CDH18: variants seen among roughly 807,000 people sequenced by gnomAD.
CDH18 encodes cadherin 18.
CDH18 carries 31 observed loss-of-function variants against 67.9 expected under a neutral mutation model. The observed-to-expected ratio is 0.46, with a 90% CI of 0.34 to 0.62. CDH18 has a LOEUF of 0.62. CDH18 is among the 20% of genes least tolerant of loss of function. The pLI, the probability that CDH18 is intolerant of heterozygous loss-of-function variation, is 0.01. For missense variants in CDH18, 890 were observed against 975.5 expected (o/e 0.91, Z 1.17); for synonymous variants, 362 against 347.2 (o/e 1.04, Z -0.48).
chr5:20,528,163 C>A (rs1295981912), intron 1 of CDH18, among the ~76,000 whole-genome samples: 4 of 151,944 alleles, frequency 2.6e-5, no homozygotes, highest in African/African-American at 9.7e-5. Context: ...TCAAAAAAGA[C>A]AAATAGCATT....
chr5:20,503,190 A>T (rs11348871), intron 1 of CDH18, among the ~76,000 whole-genome samples: 74 of 41,838 alleles, frequency 1.8e-3, no homozygotes, highest in East Asian at 5.0e-3. Context: ...ACACAAATTT[A>T]AAAAAAAAAC....
At chr5:20,415,728 C>T (rs558267572) in intron 1 of CDH18, among the ~76,000 whole-genome samples, 11 of 152,010 alleles carry the variant, frequency 7.2e-5, no homozygotes, top group African/African-American at 2.2e-4. Flanking sequence ...GCTGAGATTG[C>T]GCCACTGCTC....
chr5:20,373,454 C>T (rs1166266150), intron 1 of CDH18, among the ~76,000 whole-genome samples: 1 of 152,072 alleles, frequency 6.6e-6, no homozygotes, highest in African/African-American at 2.4e-5. Flanking sequence ...ATGACTTATA[C>T]CTGTTTATTC....
chr5:20,255,481 T>C (rs1329506085), exon 2 of CDH18: 1 of 152,138 alleles, frequency 6.6e-6, no homozygotes, highest in African/African-American at 2.4e-5. Context: ...TGTGTGTTCT[T>C]CTTACATATT....
At chr5:20,072,851 A>C (rs868552977) in intron 2 of CDH18, among the ~76,000 whole-genome samples, 2 of 152,110 alleles carry the variant, frequency 1.3e-5, no homozygotes, top group Middle Eastern at 3.4e-3. Flanking sequence ...ATTCCCATGA[A>C]AAATTGGAGA....
At chr5:19,606,256 T>G (rs952706321) in intron 6 of CDH18, among the ~76,000 whole-genome samples, 1 of 152,130 alleles carries the variant, frequency 6.6e-6, no homozygotes, top group Non-Finnish European at 1.5e-5. Flanking sequence ...CATGAACCTC[T>G]GCAACTCCTT....
intron 1 of CDH18, among the ~76,000 whole-genome samples, chr5:20,520,091 C>T (rs545009636): frequency 5.3e-5 from 8 of 150,860 alleles, no homozygotes; most frequent in Admixed American, 2.0e-4. Flanking sequence ...TGAGCCACCA[C>T]GCCCAGCAGC....
At chr5:19,970,928 G>A (rs1797963823) in intron 2 of CDH18, among the ~76,000 whole-genome samples, 1 of 151,784 alleles carries the variant, frequency 6.6e-6, no homozygotes, top group African/African-American at 2.4e-5. Flanking sequence ...CTCCATTGGA[G>A]ACGGAGTGAT....
chr5:20,229,320 T>C (rs1741884485), intron 2 of CDH18, among the ~76,000 whole-genome samples: 1 of 152,088 alleles, frequency 6.6e-6, no homozygotes, highest in Non-Finnish European at 1.5e-5. Flanking sequence ...TATGTGAACA[T>C]AAACTTCACC....
At chr5:20,411,767 C>T (rs1426161141) in intron 1 of CDH18, among the ~76,000 whole-genome samples, 2 of 148,550 alleles carry the variant, frequency 1.3e-5, no homozygotes, top group Non-Finnish European at 3.0e-5. Context: ...ATAGTAAATG[C>T]AATCTCATTT....
intron 1 of CDH18, among the ~76,000 whole-genome samples, chr5:20,431,245 C>T (rs1748708282): frequency 6.6e-6 from 1 of 151,956 alleles, no homozygotes. Flanking sequence ...AATCCCAGCA[C>T]TTTGGGAGGC....
At chr5:20,466,867 C>T (rs986617647) in intron 1 of CDH18, among the ~76,000 whole-genome samples, 2 of 151,990 alleles carry the variant, frequency 1.3e-5, no homozygotes, top group African/African-American at 4.8e-5. Flanking sequence ...GGTTTTTTAC[C>T]ACTTACTTAA....
chr5:20,064,104 TAA>T (rs1344611946), intron 2 of CDH18, among the ~76,000 whole-genome samples: 1 of 152,218 alleles, frequency 6.6e-6, no homozygotes, highest in Non-Finnish European at 1.5e-5. Flanking sequence ...ATTTACAATT[TAA>T]GAGTATCTTT....
chr5:20,317,415 G>A (rs1365879125), intron 1 of CDH18, among the ~76,000 whole-genome samples: 1 of 152,020 alleles, frequency 6.6e-6, no homozygotes, highest in Non-Finnish European at 1.5e-5. Flanking sequence ...ATCTTAAAAA[G>A]ACATGTTATT....
At chr5:19,814,928 A>G (rs574931521) in intron 3 of CDH18, among the ~76,000 whole-genome samples, 151 of 151,994 alleles carry the variant, frequency 9.9e-4, no homozygotes, top group African/African-American at 3.6e-3. Flanking sequence ...AAAGTTCACA[A>G]TGTGAATAAA....
intron 2 of CDH18, among the ~76,000 whole-genome samples, chr5:19,902,106 T>A (rs1362604107): frequency 6.6e-6 from 1 of 152,122 alleles, no homozygotes; most frequent in Non-Finnish European, 1.5e-5. Flanking sequence ...AATTTTAACA[T>A]ATTCGTAATA....
rs1476205471 is a variant in CDH18 at position 19,994,726 on chromosome 5, TATATATATATATAGAGAGAGAGAGAGAG to T, written c.-517-2740_-517-2713del. On this transcript the variant is annotated intron_variant, in intron 2 of 14. Coordinates refer to the CDH18 transcript ENST00000507958. ...GTATATATATATATATATATATATA[TATATATATATATAGAGAGAGAGAGAGAG>T]AGAGAGAGAGAGAGAGAGAGAGAGA... Among the ~76,000 whole-genome samples, 102 of 23,428 alleles carry T rather than the reference TATATATATATATAGAGAGAGAGAGAGAG, an allele frequency of 4.4e-3. 4 individuals carry two copies. Among genetic ancestry groups the T allele is most frequent in the African/African-American group, 0.014 (90 of 6,314 alleles). The allele number at this position is 23,428 out of a possible 152,430, so 15.4% of individuals were successfully genotyped here.
chr5:19,727,855 A>T (rs1767054071), intron 4 of CDH18, among the ~76,000 whole-genome samples: 2 of 152,180 alleles, frequency 1.3e-5, no homozygotes, highest in Non-Finnish European at 2.9e-5. Flanking sequence ...AACATCAGGC[A>T]CTTCTAATGA....
chr5:20,376,949 A>C (rs1245741512), intron 1 of CDH18, among the ~76,000 whole-genome samples: 1 of 151,902 alleles, frequency 6.6e-6, no homozygotes, highest in Non-Finnish European at 1.5e-5. Flanking sequence ...TCCGGGAGGC[A>C]AATGTTGCAG....
Sources: gnomAD v4.1 joint callset for allele counts (sites outside exome capture counted in the v4.1 genomes callset) on GRCh38, gnomAD v4.1.1 for gene constraint, MANE v1.5 for transcripts, NCBI Gene and HGNC (gene_info 2026-07-23, HGNC 2026-07-21) for gene names.